IL15: variants seen among roughly 807,000 people sequenced by gnomAD.
IL15 encodes interleukin-15.
In IL15, 11 loss-of-function variants were observed where a neutral mutation model predicts 19.6. The ratio of observed to expected loss-of-function variants is 0.56; its 90% confidence interval spans 0.35 to 0.93. IL15 has a LOEUF of 0.93. Among genes scored for constraint, IL15 ranks in the 40% least tolerant of loss-of-function variants. IL15 has a pLI of 0.01. For synonymous variants in IL15, 58 were observed against 59.6 expected (o/e 0.97, Z 0.12); for missense variants, 197 against 186.5 (o/e 1.06, Z -0.33).
At chr4:141,661,743 G>A (rs1483941076) in intron 2 of IL15, among the ~76,000 whole-genome samples, 2 of 152,110 alleles carry the variant, frequency 1.3e-5, no homozygotes, top group Non-Finnish European at 2.9e-5. Flanking sequence ...TAGAAATGGC[G>A]AGCTCTGTTG....
At chr4:141,686,092 C>T (rs1383149739) in intron 2 of IL15, among the ~76,000 whole-genome samples, 3 of 151,812 alleles carry the variant, frequency 2.0e-5, no homozygotes, top group East Asian at 1.9e-4. Flanking sequence ...GTCAGGTGTT[C>T]GAGACCAGCC....
At chr4:141,693,015 T>C (rs1560922817) in intron 2 of IL15, among the ~76,000 whole-genome samples, 1 of 11,816 alleles carries the variant, frequency 8.5e-5, no homozygotes, top group Non-Finnish European at 1.2e-4. Flanking sequence ...AGACTCCGTC[T>C]CAAAAAAAAA....
At chr4:141,688,385 G>T (rs1369541898) in intron 2 of IL15, among the ~76,000 whole-genome samples, 1 of 152,168 alleles carries the variant, frequency 6.6e-6, no homozygotes. Context: ...CTTCTCTGGG[G>T]ATGAGGGAGG....
chr4:141,712,989 C>T (rs1317870833), intron 2 of IL15, among the ~76,000 whole-genome samples: 1 of 151,422 alleles, frequency 6.6e-6, no homozygotes, highest in Non-Finnish European at 1.5e-5. Flanking sequence ...TATTGTGTAG[C>T]CTTATAAGAG....
At chr4:141,711,358 G>A (rs1397273059) in intron 2 of IL15, among the ~76,000 whole-genome samples, 1 of 152,042 alleles carries the variant, frequency 6.6e-6, no homozygotes, top group Non-Finnish European at 1.5e-5. Flanking sequence ...ATGAAATGTG[G>A]GGTAAAATTA....
chr4:141,639,100 A>C (rs1726958645), intron 1 of IL15, among the ~76,000 whole-genome samples: 1 of 152,202 alleles, frequency 6.6e-6, no homozygotes, highest in Non-Finnish European at 1.5e-5. Context: ...TGTATTTTTT[A>C]AAAACATCGT....
chr4:141,682,631 C>G (rs1728569598), intron 2 of IL15, among the ~76,000 whole-genome samples: 1 of 152,132 alleles, frequency 6.6e-6, no homozygotes, highest in African/African-American at 2.4e-5. Flanking sequence ...TACACATACA[C>G]ACACAATGGA....
chr4:141,662,046 C>A (rs1727809043), intron 2 of IL15, among the ~76,000 whole-genome samples: 1 of 152,160 alleles, frequency 6.6e-6, no homozygotes, highest in South Asian at 2.1e-4. Flanking sequence ...GATTTCACAG[C>A]CAGATTTCTT....
chr4:141,648,968 C>A (rs1727317969), intron 1 of IL15, among the ~76,000 whole-genome samples: 1 of 152,096 alleles, frequency 6.6e-6, no homozygotes. Context: ...AAAGACGCAG[C>A]ACATTTGATT....
intron 2 of IL15, among the ~76,000 whole-genome samples, chr4:141,663,805 G>A (rs1727873776): frequency 1.3e-5 from 2 of 152,352 alleles, no homozygotes; most frequent in South Asian, 4.1e-4. Flanking sequence ...CTGCCTTGAG[G>A]AAGAGGGCTT....
intron 2 of IL15, among the ~76,000 whole-genome samples, chr4:141,689,862 C>T (rs1475836425): frequency 1.3e-5 from 2 of 152,226 alleles, no homozygotes; most frequent in African/African-American, 2.4e-5. Context: ...CGCCTACACT[C>T]CTCAGCCCTT....
chr4:141,729,452 A>G (rs1730377492), intron 6 of IL15, among the ~76,000 whole-genome samples: 1 of 152,148 alleles, frequency 6.6e-6, no homozygotes, highest in Non-Finnish European at 1.5e-5. Flanking sequence ...AGCAGCTACC[A>G]CTATTTAAAA....
chr4:141,678,935 G>A (rs1018902344), intron 2 of IL15, among the ~76,000 whole-genome samples: 5 of 152,088 alleles, frequency 3.3e-5, no homozygotes, highest in Admixed American at 6.5e-5. Context: ...AATATATGCC[G>A]TATATTTCTT....
intron 2 of IL15, among the ~76,000 whole-genome samples, chr4:141,712,934 T>C (rs931138982): frequency 6.7e-6 from 1 of 148,472 alleles, no homozygotes; most frequent in African/African-American, 2.4e-5. Context: ...TACCTAATCA[T>C]TTTTTTTTGT....
intron 2 of IL15, chr4:141,718,845 AT>A (rs1175409738): frequency 6.6e-6 from 1 of 152,102 alleles, no homozygotes; most frequent in Admixed American, 6.5e-5. Context: ...ATGGAGTTGA[AT>A]TTAGGGATGT....
chr4:141,647,187 T>C lies in IL15; in HGVS notation c.-221-8999T>C, dbSNP rs147926153. ...AAATACTTGACTGGTCTTGATTGAGTGGGAGGAGCAGAGCACAGCGAAGAG... is the reference window on the plus strand; with the variant it reads ...AAATACTTGACTGGTCTTGATTGAGCGGGAGGAGCAGAGCACAGCGAAGAG... On this transcript the variant is annotated intron_variant, in intron 1 of 7. Coordinates refer to ENST00000320650, the MANE Select transcript of IL15 (RefSeq NM_000585.5). Among the ~76,000 whole-genome samples, 323 of 151,990 alleles carry C rather than the reference T, an allele frequency of 2.1e-3. 1 individual carries two copies. Among genetic ancestry groups the C allele is most frequent in the African/African-American group, 7.5e-3 (309 of 41,470 alleles).
chr4:141,656,165 C>G, intron 1 of IL15, 21 bp from the exon 2 acceptor site: 1 of 398,256 alleles, frequency 2.5e-6, no homozygotes, highest in Non-Finnish European at 4.4e-6. Flanking sequence ...ATCCTCTTAT[C>G]CGTACCTTTG....
intron 1 of IL15, among the ~76,000 whole-genome samples, chr4:141,640,399 T>C (rs1196963084): frequency 1.3e-5 from 2 of 152,316 alleles, no homozygotes; most frequent in East Asian, 1.9e-4. Flanking sequence ...TTGATTCTAA[T>C]GTTAATGCTC....
chr4:141,710,978 T>C (rs1469651388), intron 2 of IL15, among the ~76,000 whole-genome samples: 1 of 152,144 alleles, frequency 6.6e-6, no homozygotes, highest in Non-Finnish European at 1.5e-5. Context: ...TAAAAGTACA[T>C]GGCTAAATCA....
Sources: allele counts gnomAD v4.1 joint callset (sites outside exome capture counted in the v4.1 genomes callset), GRCh38; gene constraint gnomAD v4.1.1; transcripts MANE v1.5; gene names NCBI Gene and HGNC (gene_info 2026-07-23, HGNC 2026-07-21).